Variants in BORCS5 observed in about 807,000 individuals in gnomAD.
The protein encoded by BORCS5 is BLOC-1-related complex subunit 5.
Under a neutral mutation model 22.1 loss-of-function variants are expected in BORCS5, and 17 were observed. That is an observed-to-expected ratio of 0.77 (90% CI 0.53 to 1.15). The LOEUF is 1.15. BORCS5 is among the 50% of genes most tolerant of loss of function. BORCS5 has a pLI of 0.00. For missense variants in BORCS5, 247 were observed against 253.2 expected, an observed-to-expected ratio of 0.98 and a Z score of 0.17; for synonymous variants, 117 against 99.8, an observed-to-expected ratio of 1.17 and a Z score of -1.03.
intron 2 of BORCS5, among the ~76,000 whole-genome samples, chr12:12,368,062 G>A (rs1008496308): frequency 1.3e-5 from 2 of 152,106 alleles, no homozygotes; most frequent in Non-Finnish European, 2.9e-5. Flanking sequence ...TGATACCTCT[G>A]CCATTTGGGA....
chr12:12,443,979 C>T (rs1270734604), intron 3 of BORCS5, among the ~76,000 whole-genome samples: 2 of 152,166 alleles, frequency 1.3e-5, no homozygotes, highest in African/African-American at 4.8e-5. Flanking sequence ...ATTGAGGGCT[C>T]CTGGGTTATG....
At chr12:12,370,399 A>C (rs1863500407) in intron 2 of BORCS5, among the ~76,000 whole-genome samples, 1 of 152,140 alleles carries the variant, frequency 6.6e-6, no homozygotes, top group South Asian at 2.1e-4. Context: ...TGGTGTAATT[A>C]CTAAGTTTTT....
chr12:12,386,630 T>TGCCACCATGCCCG (rs58938227), intron 2 of BORCS5, among the ~76,000 whole-genome samples: 62,465 of 148,836 alleles, frequency 0.42, 14,407 homozygotes, highest in African/African-American at 0.53. Context: ...TACAGGCACG[T>TGCCACCATGCCCG]GCTAGTTTTT....
intron 3 of BORCS5, among the ~76,000 whole-genome samples, chr12:12,439,725 A>G (rs901478429): frequency 1.2e-4 from 18 of 152,218 alleles, no homozygotes; most frequent in Admixed American, 3.3e-4. Context: ...ACCAGCACTC[A>G]CAGTACTGAG....
At chr12:12,463,316 G>A (rs1324749627) in intron 3 of BORCS5, among the ~76,000 whole-genome samples, 1 of 152,196 alleles carries the variant, frequency 6.6e-6, no homozygotes, top group African/African-American at 2.4e-5. Context: ...ATAGTCCATT[G>A]TTGCTTGCAC....
At chr12:12,426,014 TATGTCAC>T in intron 2 of BORCS5, among the ~76,000 whole-genome samples, 1 of 152,208 alleles carries the variant, frequency 6.6e-6, no homozygotes, top group East Asian at 1.9e-4. Context: ...ACTCCTTTAA[TATGTCAC>T]ACTTACAGAT....
intron 2 of BORCS5, among the ~76,000 whole-genome samples, chr12:12,393,174 G>A (rs937484953): frequency 6.6e-6 from 1 of 152,050 alleles, no homozygotes; most frequent in Non-Finnish European, 1.5e-5. Context: ...GGCAGAGGTT[G>A]CAGTGAGCCG....
At chr12:12,405,367 C>T (rs1020436203) in intron 2 of BORCS5, among the ~76,000 whole-genome samples, 2 of 152,172 alleles carry the variant, frequency 1.3e-5, no homozygotes, top group African/African-American at 4.8e-5. Flanking sequence ...GACTCTAGAG[C>T]TTTCATGGTT....
chr12:12,441,067 T>C (rs1203089684), intron 3 of BORCS5, among the ~76,000 whole-genome samples: 1 of 152,072 alleles, frequency 6.6e-6, no homozygotes, highest in Non-Finnish European at 1.5e-5. Flanking sequence ...AGGCAAGAGT[T>C]GGAGCCTTGT....
intron 2 of BORCS5, among the ~76,000 whole-genome samples, chr12:12,421,326 G>A (rs900294360): frequency 1.7e-4 from 26 of 152,052 alleles, no homozygotes; most frequent in South Asian, 2.1e-4. Context: ...TTTTGTGGTC[G>A]GTTCTGTTTA....
intron 2 of BORCS5, among the ~76,000 whole-genome samples, chr12:12,374,592 G>A (rs1457315536): frequency 6.6e-6 from 1 of 151,968 alleles, no homozygotes; most frequent in African/African-American, 2.4e-5. Context: ...TCATAGCGCT[G>A]TACTCCAGCC....
At chr12:12,396,742 T>C (rs1164307939) in intron 2 of BORCS5, among the ~76,000 whole-genome samples, 1 of 152,214 alleles carries the variant, frequency 6.6e-6, no homozygotes, top group African/African-American at 2.4e-5. Context: ...AATAGGAATT[T>C]ACGGTACTCA....
At chr12:12,457,949 T>C (rs895305590) in intron 3 of BORCS5, among the ~76,000 whole-genome samples, 1 of 152,152 alleles carries the variant, frequency 6.6e-6, no homozygotes, top group Admixed American at 6.5e-5. Flanking sequence ...GCAGTAACTA[T>C]CCAGAGACAA....
chr12:12,435,541 C>G, intron 2 of BORCS5, 87 bp from the exon 3 acceptor site: 1 of 1,064,796 alleles, frequency 9.4e-7, no homozygotes, highest in Non-Finnish European at 1.4e-6. Flanking sequence ...AAGTCTTACC[C>G]TGTCTTCAGT....
intron 3 of BORCS5, among the ~76,000 whole-genome samples, chr12:12,448,526 T>G (rs1592135807): frequency 7.3e-6 from 1 of 136,650 alleles, no homozygotes; most frequent in African/African-American, 2.5e-5. Context: ...TGTCTTCAAT[T>G]CTTTTTTTTT....
At chr12:12,414,219 A>G (rs1278356340) in intron 2 of BORCS5, among the ~76,000 whole-genome samples, 1 of 66,250 alleles carries the variant, frequency 1.5e-5, no homozygotes, top group African/African-American at 6.3e-5. Context: ...TGACCCCCCC[A>G]CCTCCCTCCC....
At chr12:12,427,548 A>G (rs963979013) in intron 2 of BORCS5, among the ~76,000 whole-genome samples, 3 of 152,206 alleles carry the variant, frequency 2.0e-5, no homozygotes, top group Non-Finnish European at 2.9e-5. Context: ...AAGGATACAT[A>G]TAGCTTAAGT....
chr12:12,421,630 C>T (rs952134548), intron 2 of BORCS5, among the ~76,000 whole-genome samples: 18 of 152,176 alleles, frequency 1.2e-4, no homozygotes, highest in Non-Finnish European at 1.5e-5. Context: ...GGAATGGTAC[C>T]AGCTCCTCTT....
chr12:12,416,528 C>T (rs142629697), intron 2 of BORCS5, among the ~76,000 whole-genome samples: 44 of 152,094 alleles, frequency 2.9e-4, no homozygotes, highest in Middle Eastern at 6.8e-3. Context: ...ATTGTAGCCT[C>T]GAACTCCTGG....
Sources: gnomAD v4.1 joint callset for allele counts (sites outside exome capture counted in the v4.1 genomes callset) on GRCh38, gnomAD v4.1.1 for gene constraint, MANE v1.5 for transcripts, NCBI Gene and HGNC (gene_info 2026-07-23, HGNC 2026-07-21) for gene names.